Variants in FBXW8 observed in about 807,000 individuals in gnomAD.
FBXW8 encodes the protein F-box/WD repeat-containing protein 8.
FBXW8 carries 57 observed loss-of-function variants against 65.3 expected under a neutral mutation model. The ratio of observed to expected loss-of-function variants is 0.87; its 90% CI spans 0.71 to 1.09. The LOEUF is 1.09. FBXW8 is among the 50% of genes least tolerant of loss of function. The pLI, the probability that FBXW8 is intolerant of heterozygous loss-of-function variation, is 0.00. For synonymous variants in FBXW8, 308 were observed against 330.2 expected (o/e 0.93, Z 0.73); for missense variants, 777 against 814.8 (o/e 0.95, Z 0.57).
chr12:117,018,529 T>C (rs1221056767), intron 8 of FBXW8, among the ~76,000 whole-genome samples: 1 of 152,268 alleles, frequency 6.6e-6, no homozygotes, highest in Non-Finnish European at 1.5e-5. Context: ...CCGAGGCAGA[T>C]ACCTGTTTCT....
chr12:117,027,499 CAGG>C lies in FBXW8; in HGVS notation c.1651_1652+1del, dbSNP rs1193059682. 4.3e-6 allele frequency: 7 copies of C among 1,613,664 alleles called. No individual in the cohort carries two copies. The highest frequency in any genetic ancestry group is 2.2e-5 in the East Asian group (1 of 44,896). ...CCGACCTGGACAGCTTCACTACTCACAGGAGGTTAGTGGTGGGGCCGGGCGAGT... is the reference window on the plus strand; with the variant it reads ...CCGACCTGGACAGCTTCACTACTCACAGGTTAGTGGTGGGGCCGGGCGAGT... On this transcript the variant is annotated inframe_deletion and splice_region_variant, in exon 10 of 11. Coordinates refer to ENST00000652555, the MANE Select transcript of FBXW8 (RefSeq NM_153348.3).
At chr12:117,027,891 T>C (rs953889869) in intron 10 of FBXW8, 137 bp from the exon 11 acceptor site, 47 of 1,165,412 alleles carry the variant, frequency 4.0e-5, no homozygotes, top group Middle Eastern at 2.9e-4. Flanking sequence ...TATCTGACGC[T>C]GTGTGCCCAG....
At chr12:116,928,621 G>A (rs918283143) in intron 2 of FBXW8, among the ~76,000 whole-genome samples, 1 of 152,170 alleles carries the variant, frequency 6.6e-6, no homozygotes, top group African/African-American at 2.4e-5. Flanking sequence ...CAAGGCAGGT[G>A]AGAACTGAGA....
In FBXW8 at chr12:116,949,715, A is replaced by T. The variant is rs753325159; in HGVS notation, c.677+9A>T. The stretch of plus-strand genomic sequence containing the variant: ...GGTGTGGTCATTGCGGGGTAAGCCA[A>T]ACCGTTTCCACTGAGTGCTCTGCAT... On this transcript the variant is annotated intron_variant, in intron 4 of 10. Coordinates refer to ENST00000652555, the MANE Select transcript of FBXW8 (RefSeq NM_153348.3). 3 of 1,613,624 alleles carry T rather than the reference A, an allele frequency of 1.9e-6. No individual in the cohort carries two copies. The highest frequency in any genetic ancestry group is 2.5e-6 in the Non-Finnish European group (3 of 1,179,526).
intron 4 of FBXW8, among the ~76,000 whole-genome samples, chr12:116,954,060 G>A (rs1201978985): frequency 6.8e-6 from 1 of 147,070 alleles, no homozygotes; most frequent in Non-Finnish European, 1.5e-5. Flanking sequence ...GTTGCAGTGA[G>A]CTGAGATCGC....
intron 4 of FBXW8, among the ~76,000 whole-genome samples, 160 bp from the exon 5 acceptor site, chr12:116,964,537 A>G (rs1240618026): frequency 1.3e-5 from 2 of 152,114 alleles, no homozygotes; most frequent in Admixed American, 6.5e-5. Flanking sequence ...TCTAGTTGAC[A>G]TTTTCTCCTG....
At chr12:116,937,648 G>A (rs1304332188) in intron 2 of FBXW8, among the ~76,000 whole-genome samples, 2 of 152,146 alleles carry the variant, frequency 1.3e-5, no homozygotes, top group Non-Finnish European at 2.9e-5. Flanking sequence ...GTGTGTTGGG[G>A]GCAAAAGCTA....
chr12:116,997,643 AGGGCCTGTGGAAGG>A (rs1300257268), intron 7 of FBXW8, among the ~76,000 whole-genome samples: 3 of 152,208 alleles, frequency 2.0e-5, no homozygotes, highest in Non-Finnish European at 4.4e-5. Context: ...CAGAGGCAGC[AGGGCCTGTGGAAGG>A]GGGTTCCATC....
intron 5 of FBXW8, among the ~76,000 whole-genome samples, chr12:116,971,505 A>G (rs570710803): frequency 6.6e-6 from 1 of 152,228 alleles, no homozygotes; most frequent in East Asian, 1.9e-4. Context: ...AGACTGTATT[A>G]GGGGCTGGAG....
intron 4 of FBXW8, among the ~76,000 whole-genome samples, chr12:116,963,108 G>GTC (rs1278599379): frequency 6.6e-6 from 1 of 152,176 alleles, no homozygotes; most frequent in Non-Finnish European, 1.5e-5. Flanking sequence ...CAGAAAGCAC[G>GTC]TCTCTCCCGT....
chr12:116,963,008 C>T (rs1298592592), intron 4 of FBXW8, among the ~76,000 whole-genome samples: 1 of 152,156 alleles, frequency 6.6e-6, no homozygotes, highest in Non-Finnish European at 1.5e-5. Flanking sequence ...TCTGCCCTTG[C>T]TTGCACGTCG....
chr12:117,013,061 T>C (rs1953864923), intron 8 of FBXW8, among the ~76,000 whole-genome samples: 1 of 152,102 alleles, frequency 6.6e-6, no homozygotes, highest in South Asian at 2.1e-4. Flanking sequence ...CCTGGCCAGA[T>C]GGTGAAACCC....
intron 7 of FBXW8, chr12:117,002,720 A>G (rs1335996736): frequency 6.6e-6 from 1 of 152,132 alleles, no homozygotes; most frequent in African/African-American, 2.4e-5. Context: ...TCAGACATCC[A>G]TTATTCATGT....
chr12:116,985,351 C>G lies in FBXW8; in HGVS notation c.981C>G (p.Pro327=). The part of the protein sequence containing the change: ...ASAFDVVMLS[P]NEEGYWQIAA... ...CTTTTGATGTCGTGATGTTATCCCC[C>G]AATGAGGAGGGGTACTGGCAGATAG... The change falls in exon 6 of 11, where the codon CCC becomes CCG. Residue 327 remains proline, a synonymous_variant. Coordinates refer to ENST00000652555, the MANE Select transcript of FBXW8 (RefSeq NM_153348.3). The G allele has an allele frequency of 6.2e-7, 1 of 1,614,148 alleles. No homozygotes were observed. The highest frequency in any genetic ancestry group is 1.7e-5 in the Admixed American group (1 of 60,012).
chr12:116,933,611 C>A (rs1321464248), intron 2 of FBXW8, among the ~76,000 whole-genome samples: 1 of 152,134 alleles, frequency 6.6e-6, no homozygotes, highest in Non-Finnish European at 1.5e-5. Context: ...GTTGTTAACC[C>A]AGTTGTTAGA....
rs749394927 is a variant in FBXW8 at position 116,988,837 on chromosome 12, C to G, written c.1207C>G (p.Gln403Glu). 6.2e-7 allele frequency: 1 copy of G among 1,613,920 alleles called. No individual in the cohort carries two copies. The highest frequency in any genetic ancestry group is 1.3e-5 in the African/African-American group (1 of 74,862). Reference protein sequence around the residue: ...VSANQVAFGVQGLGWVYEGSK... With the variant: ...VSANQVAFGVEGLGWVYEGSK... ...GGCCAACCAAGTTGCTTTTGGTGTA[C>G]AGGGTCTGGGATGGGTGTACGAAGG... Residue 403 changes from glutamine (Q) to glutamate (E), a missense_variant, in exon 7 of 11, where the codon CAG (glutamine) becomes GAG (glutamate). Physicochemically the swap from Gln to Glu is conservative, Grantham distance 29 (BLOSUM62 2). Transcript: ENST00000652555.
At chr12:117,018,603 G>A (rs1298559970) in intron 8 of FBXW8, among the ~76,000 whole-genome samples, 1 of 134,066 alleles carries the variant, frequency 7.5e-6, no homozygotes, top group African/African-American at 3.0e-5. Context: ...TTCTGTCGAC[G>A]AGAAGCCAGA....
chr12:116,944,836 A>G (rs1194540929), intron 2 of FBXW8, among the ~76,000 whole-genome samples: 1 of 152,180 alleles, frequency 6.6e-6, no homozygotes, highest in Non-Finnish European at 1.5e-5. Context: ...GTTTTCTGTT[A>G]ATTAAATATA....
At chr12:116,929,994 T>A (rs1194532920) in intron 2 of FBXW8, among the ~76,000 whole-genome samples, 2 of 152,216 alleles carry the variant, frequency 1.3e-5, no homozygotes, top group Non-Finnish European at 2.9e-5. Context: ...TCATCCACCA[T>A]GTTGTTGTAA....
Sources: allele counts gnomAD v4.1 joint callset (sites outside exome capture counted in the v4.1 genomes callset), GRCh38; gene constraint gnomAD v4.1.1; transcripts MANE v1.5; gene names NCBI Gene and HGNC (gene_info 2026-07-23, HGNC 2026-07-21).